Variants in PIK3C2B observed in about 807,000 individuals in gnomAD.
The protein encoded by PIK3C2B is phosphatidylinositol-4-phosphate 3-kinase catalytic subunit type 2 beta, also known as phosphatidylinositol 4-phosphate 3-kinase C2 domain-containing subunit beta.
Under a neutral mutation model 184.3 loss-of-function variants are expected in PIK3C2B, and 83 were observed. The observed-to-expected ratio is 0.45, with a 90% CI of 0.38 to 0.54. PIK3C2B has a LOEUF of 0.54. PIK3C2B is among the 20% of genes least tolerant of loss of function. The probability of loss-of-function intolerance (pLI) is 0.00; values close to 1 mark genes in which losing one functional copy is unlikely to be tolerated. For missense variants in PIK3C2B, 1,736 were observed against 2,113.5 expected, an observed-to-expected ratio of 0.82 and a Z score of 3.50; for synonymous variants, 779 against 837.6, an observed-to-expected ratio of 0.93 and a Z score of 1.21.
Position 204,455,807 on chromosome 1 carries a change from G to T in PIK3C2B, c.1943+49C>A, listed in dbSNP as rs370125948. The T allele has an allele frequency of 3.1e-4, 441 of 1,431,020 alleles. 1 individual carries two copies. Among genetic ancestry groups the T allele is most frequent in the Non-Finnish European group, 4.0e-4 (414 of 1,038,638 alleles). The allele number at this position is 1,431,020 out of a possible 1,614,324, so 88.6% of individuals were successfully genotyped here. On this transcript the variant is annotated intron_variant, in intron 11 of 32. Coordinates refer to ENST00000684373, the MANE Select transcript of PIK3C2B (RefSeq NM_001377334.1). ...ATGCAGATAGGAAAAAGCCCTGGTG[G>T]AGGTCAAACTCAGCTTGCTCCCTAG...
rs1173631763 is a variant in PIK3C2B at position 204,441,541 on chromosome 1, T to C, written c.3179A>G (p.Asn1060Ser). The C allele has an allele frequency of 3.7e-6, 6 of 1,613,014 alleles. No individual in the cohort carries two copies. Among genetic ancestry groups the C allele is most frequent in the African/African-American group, 1.3e-5 (1 of 75,008 alleles). The change falls in exon 21 of 33, where the codon AAT becomes AGT. Residue 1060 changes from asparagine to serine, a missense_variant. Around this residue, in one of 8 missense-constraint regions of PIK3C2B, gnomAD observed 289 missense variants for 380.4 expected, o/e 0.76. Coordinates refer to ENST00000684373, the MANE Select transcript of PIK3C2B (RefSeq NM_001377334.1). ...GAAGGAGAGTTTGAGGGGGACAGCA[T>C]TGGAGTTGAAGTAGGAACAGTCCTG... ...VPRDCSYFNS[N>S]AVPLKLSFQN...
chr1:204,442,706 G>T, intron 19 of PIK3C2B, 73 bp from the exon 20 acceptor site: 3 of 1,046,408 alleles, frequency 2.9e-6, no homozygotes, highest in South Asian at 1.4e-5. Context: ...TCTCCCAGGG[G>T]TGGGTTCTCC....
chr1:204,441,564 CT>C lies in PIK3C2B; in HGVS notation c.3157-2del. On this transcript the variant is annotated splice_acceptor_variant, in intron 20 of 32. Coordinates refer to ENST00000684373, the MANE Select transcript of PIK3C2B (RefSeq NM_001377334.1). LOFTEE classifies it high-confidence loss of function. ...CATTGGAGTTGAAGTAGGAACAGTC[CT>C]GCCATGGTGAAAAGATAGTGACGAG... is the stretch of plus-strand genomic sequence containing the variant. 6.2e-7 allele frequency: 1 copy of C among 1,607,944 alleles called. No individual in the cohort carries two copies. Among genetic ancestry groups the C allele is most frequent in the Non-Finnish European group, 8.5e-7 (1 of 1,174,684 alleles).
Position 204,432,411 on chromosome 1 carries a change from G to A in PIK3C2B, c.3954-10C>T, listed in dbSNP as rs548628271. On this transcript the variant is annotated splice_polypyrimidine_tract_variant and intron_variant, in intron 26 of 32. Coordinates refer to ENST00000684373, the MANE Select transcript of PIK3C2B (RefSeq NM_001377334.1). ...GCTGGACTCAATCAACCTGGCAGGA[G>A]GATAAGAAAAGAGGATATAACCATG... The A allele has an allele frequency of 3.7e-6, 6 of 1,613,024 alleles. No individual in the cohort carries two copies. Among genetic ancestry groups the A allele is most frequent in the East Asian group, 2.2e-5 (1 of 44,880 alleles).
chr1:204,438,840 C>A, intron 23 of PIK3C2B, 95 bp downstream of exon 23: 1 of 1,397,464 alleles, frequency 7.2e-7, no homozygotes, highest in African/African-American at 1.4e-5. Flanking sequence ...GCTGAGCTGT[C>A]CTCTCTGAGC....
At chr1:204,454,065 G>A (rs545546840) in intron 12 of PIK3C2B, among the ~76,000 whole-genome samples, 1 of 151,700 alleles carries the variant, frequency 6.6e-6, no homozygotes, top group South Asian at 2.1e-4. Context: ...GTAAGCCACC[G>A]CGCCTGGTCA....
chr1:204,458,905 A>C (rs1417682061), intron 8 of PIK3C2B, among the ~76,000 whole-genome samples: 1 of 152,232 alleles, frequency 6.6e-6, no homozygotes, highest in Non-Finnish European at 1.5e-5. Flanking sequence ...GAAATGTTCA[A>C]GCACAGGCTG....
intron 8 of PIK3C2B, among the ~76,000 whole-genome samples, chr1:204,459,211 C>T (rs186351707): frequency 1.3e-5 from 2 of 152,052 alleles, no homozygotes; most frequent in Non-Finnish European, 2.9e-5. Flanking sequence ...GAGATGGGGT[C>T]TTGCTGTGTT....
rs1268983933 is a variant in PIK3C2B, at chr1:204,425,873, T to C, written c.4588-132A>G. 9.2e-6 allele frequency: 7 copies of C among 763,218 alleles called. No homozygotes were observed. In the Admixed American group the frequency reaches 1.3e-4, roughly 14 times the overall value. 47.3% of individuals were successfully genotyped at this position (763,218 alleles called of 1,614,324 possible). ...ATCTTGCAATGCACAACTAATTTAT[T>C]TGTCTGCTTCCAAGCTCACTCTATT... is the stretch of plus-strand genomic sequence containing the variant. On this transcript the variant is annotated intron_variant, in intron 31 of 32. Coordinates refer to ENST00000684373, the MANE Select transcript of PIK3C2B (RefSeq NM_001377334.1).
chr1:204,455,020 C>T (rs1435666912), intron 11 of PIK3C2B, among the ~76,000 whole-genome samples: 1 of 152,226 alleles, frequency 6.6e-6, no homozygotes, highest in Non-Finnish European at 1.5e-5. Context: ...CCATTCTGAG[C>T]CTTGTTGTTT....
At chr1:204,481,363 G>A (rs967767994) in intron 1 of PIK3C2B, among the ~76,000 whole-genome samples, 2 of 150,684 alleles carry the variant, frequency 1.3e-5, no homozygotes, top group African/African-American at 4.9e-5. Flanking sequence ...CACCTCCCAG[G>A]TTGAAGCAAT....
At chr1:204,467,832 T>TTAAAAAAAA (rs1558269295) in intron 2 of PIK3C2B, among the ~76,000 whole-genome samples, 71 of 2,182 alleles carry the variant, frequency 0.033, 4 homozygotes, top group Non-Finnish European at 0.015. Flanking sequence ...AGACTCTGTC[T>TTAAAAAAAA]CAAAAAAAAA....
intron 2 of PIK3C2B, 103 bp downstream of exon 2, chr1:204,468,767 G>A: frequency 1.9e-6 from 2 of 1,064,000 alleles, no homozygotes; most frequent in Non-Finnish European, 2.7e-6. Context: ...AGGCCTAAAG[G>A]GGTAAGGACT....
At chr1:204,437,695 G>C (rs1675426216) in intron 23 of PIK3C2B, among the ~76,000 whole-genome samples, 1 of 152,226 alleles carries the variant, frequency 6.6e-6, no homozygotes, top group Non-Finnish European at 1.5e-5. Context: ...AAGTGAGATA[G>C]AGGGAAGCAT....
At chr1:204,463,071 A>C (rs932936497) in intron 5 of PIK3C2B, among the ~76,000 whole-genome samples, 3 of 152,180 alleles carry the variant, frequency 2.0e-5, no homozygotes, top group African/African-American at 7.2e-5. Context: ...AAAAAAAGAA[A>C]GAAGTCCAGA....
At chr1:204,450,062 C>T (rs181591197) in intron 12 of PIK3C2B, 45 bp from the exon 13 acceptor site, 529 of 1,473,294 alleles carry the variant, frequency 3.6e-4, no homozygotes, top group Non-Finnish European at 4.7e-4. Context: ...ACTCCTGTGG[C>T]TTCAAGCAAC....
At chr1:204,463,023 A>G (rs969355830) in intron 5 of PIK3C2B, among the ~76,000 whole-genome samples, 10 of 152,194 alleles carry the variant, frequency 6.6e-5, no homozygotes, top group Non-Finnish European at 1.2e-4. Flanking sequence ...ATGGCGCCAC[A>G]GCACTCCAGC....
intron 1 of PIK3C2B, among the ~76,000 whole-genome samples, chr1:204,476,470 T>C (rs1269389809): frequency 6.6e-6 from 1 of 152,198 alleles, no homozygotes; most frequent in African/African-American, 2.4e-5. Context: ...CGTTTGGACC[T>C]GGGAGTTTGA....
At chr1:204,449,144 T>C (rs1233810164) in intron 14 of PIK3C2B, 41 bp downstream of exon 14, 6 of 1,343,992 alleles carry the variant, frequency 4.5e-6, no homozygotes, top group African/African-American at 2.9e-5. Context: ...TTGACTGGAA[T>C]GGTCTTGCTG....
Sources: allele counts gnomAD v4.1 joint callset (sites outside exome capture counted in the v4.1 genomes callset), GRCh38; gene constraint gnomAD v4.1.1; regional missense constraint gnomAD v4.1.1; transcripts MANE v1.5; gene names NCBI Gene and HGNC (gene_info 2026-07-23, HGNC 2026-07-21).